RBFOX1: variants seen among roughly 807,000 people sequenced by gnomAD.
RBFOX1 encodes the protein RNA binding fox-1 homolog 1.
RBFOX1 carries 8 observed loss-of-function variants against 57.7 expected under a neutral mutation model. That is an observed-to-expected ratio of 0.14 (90% CI 0.08 to 0.25). RBFOX1 has a LOEUF of 0.25. Among genes scored for constraint, RBFOX1 ranks in the 10% least tolerant of loss-of-function variants. RBFOX1 has a pLI of 1.00. For missense variants in RBFOX1, 611 were observed against 548.5 expected (o/e 1.11, Z -1.14); for synonymous variants, 326 against 222.4 (o/e 1.47, Z -4.15).
At chr16:7,171,930 C>T (rs976755801) in intron 4 of RBFOX1, among the ~76,000 whole-genome samples, 7 of 152,136 alleles carry the variant, frequency 4.6e-5, no homozygotes, top group Non-Finnish European at 8.8e-5. Flanking sequence ...AGAACAATTT[C>T]CAGAGAGGAG....
chr16:6,369,232 C>G (rs750096486), intron 2 of RBFOX1, among the ~76,000 whole-genome samples: 1 of 152,160 alleles, frequency 6.6e-6, no homozygotes, highest in African/African-American at 2.4e-5. Flanking sequence ...TTAAATATCT[C>G]ATTTTAATTT....
chr16:7,573,918 C>G (rs993235352), intron 5 of RBFOX1, among the ~76,000 whole-genome samples: 18 of 152,216 alleles, frequency 1.2e-4, no homozygotes, highest in Admixed American at 8.5e-4. Flanking sequence ...GCTTTAGGAA[C>G]TATAACTATG....
chr16:6,777,418 A>G (rs1408295289), intron 3 of RBFOX1, among the ~76,000 whole-genome samples: 1 of 152,182 alleles, frequency 6.6e-6, no homozygotes, highest in African/African-American at 2.4e-5. Flanking sequence ...GAACAGGGAC[A>G]AAGAAACCAA....
intron 3 of RBFOX1, among the ~76,000 whole-genome samples, chr16:6,860,455 C>T (rs1319881536): frequency 2.0e-5 from 3 of 152,168 alleles, no homozygotes; most frequent in African/African-American, 4.8e-5. Flanking sequence ...GGCGCTCTAC[C>T]GTGCTGCTGA....
At chr16:6,729,478 C>G (rs779713769) in intron 3 of RBFOX1, among the ~76,000 whole-genome samples, 3 of 152,076 alleles carry the variant, frequency 2.0e-5, no homozygotes, top group Non-Finnish European at 4.4e-5. Context: ...TCCCAGCAAT[C>G]CATTAAAATG....
intron 4 of RBFOX1, among the ~76,000 whole-genome samples, chr16:7,069,711 G>T (rs2056925203): frequency 6.6e-6 from 1 of 152,230 alleles, no homozygotes; most frequent in South Asian, 2.1e-4. Flanking sequence ...AGTAAGTGGG[G>T]CAGCATCGAG....
chr16:5,619,997 A>AAG (rs1555484870), intron 3 of RBFOX1, among the ~76,000 whole-genome samples: 9 of 151,606 alleles, frequency 5.9e-5, no homozygotes, highest in African/African-American at 2.2e-4. Flanking sequence ...AAAAAAAAAA[A>AAG]AAAGAAAGAA....
intron 3 of RBFOX1, among the ~76,000 whole-genome samples, chr16:7,046,277 G>A (rs1293174389): frequency 6.8e-6 from 1 of 147,144 alleles, no homozygotes; most frequent in African/African-American, 2.5e-5. Flanking sequence ...TACACATCCA[G>A]TTACTCTATC....
chr16:6,270,229 A>T (rs1458512180), intron 1 of RBFOX1, among the ~76,000 whole-genome samples: 1 of 152,150 alleles, frequency 6.6e-6, no homozygotes, highest in South Asian at 2.1e-4. Flanking sequence ...TTAAGCACTA[A>T]CATACCAATA....
intron 3 of RBFOX1, among the ~76,000 whole-genome samples, chr16:5,807,350 C>T (rs2055263928): frequency 6.6e-6 from 1 of 152,120 alleles, no homozygotes; most frequent in Non-Finnish European, 1.5e-5. Flanking sequence ...AATCTTGTGG[C>T]ATCTTCAGGA....
chr16:7,143,509 G>T (rs941833994), intron 4 of RBFOX1, among the ~76,000 whole-genome samples: 3 of 151,996 alleles, frequency 2.0e-5, no homozygotes, highest in African/African-American at 4.8e-5. Context: ...TCCTACCCCC[G>T]CCCCTGGAGG....
intron 4 of RBFOX1, among the ~76,000 whole-genome samples, chr16:7,384,472 G>C (rs897885869): frequency 5.3e-5 from 8 of 152,182 alleles, no homozygotes; most frequent in African/African-American, 1.9e-4. Flanking sequence ...GCTTATTGCA[G>C]TGGGTTTTCA....
intron 14 of RBFOX1, among the ~76,000 whole-genome samples, chr16:7,700,137 G>A (rs1339183497): frequency 6.6e-6 from 1 of 151,970 alleles, no homozygotes; most frequent in South Asian, 2.1e-4. Context: ...ATAAGACTTT[G>A]GATCATCAAT....
chr16:6,384,589 A>G (rs943981707), intron 2 of RBFOX1, among the ~76,000 whole-genome samples: 1 of 152,234 alleles, frequency 6.6e-6, no homozygotes, highest in Non-Finnish European at 1.5e-5. Flanking sequence ...CTGAGGGTAA[A>G]CAGGGCTTTG....
chr16:6,169,159 G>T (rs75984305), intron 1 of RBFOX1, among the ~76,000 whole-genome samples: 6,798 of 152,200 alleles, frequency 0.045, 501 homozygotes, highest in African/African-American at 0.15. Flanking sequence ...GGGGTCATTG[G>T]AGTAAAGCAA....
In RBFOX1 at chr16:5,669,422, CT is replaced by C. The variant is rs34318850; in HGVS notation, c.318+70479del. 7.4e-3 allele frequency among the ~76,000 whole-genome samples: 879 copies of C among 118,476 alleles called. 9 individuals carry two copies. Among genetic ancestry groups the C allele is most frequent in the African/African-American group, 0.026 (802 of 30,868 alleles). 77.7% of individuals were successfully genotyped at this position (118,476 alleles called of 152,430 possible). A position where few individuals can be genotyped will look rare whatever the true frequency, so the allele number is the denominator to read the frequency against. ...GCCAAAGAGAATGAGAACAAGTTGGCTTTTTTTTTTTTTTTTTTGGAGACAG... is the reference window on the plus strand; with the variant it reads ...GCCAAAGAGAATGAGAACAAGTTGGCTTTTTTTTTTTTTTTTTGGAGACAG... On this transcript the variant is annotated intron_variant, in intron 3 of 19. Transcript: ENST00000641259.
At chr16:7,212,966 A>G (rs562128139) in intron 4 of RBFOX1, among the ~76,000 whole-genome samples, 33 of 152,356 alleles carry the variant, frequency 2.2e-4, no homozygotes, top group African/African-American at 5.5e-4. Flanking sequence ...GAATAATTCT[A>G]TGGAACACTT....
At chr16:6,421,670 C>G (rs574914308) in intron 2 of RBFOX1, among the ~76,000 whole-genome samples, 1 of 152,266 alleles carries the variant, frequency 6.6e-6, no homozygotes, top group South Asian at 2.1e-4. Flanking sequence ...AACATGGGTG[C>G]TTTAGATCAC....
chr16:5,413,135 G>A (rs184967294), intron 1 of RBFOX1, among the ~76,000 whole-genome samples: 7 of 152,218 alleles, frequency 4.6e-5, no homozygotes, highest in African/African-American at 1.7e-4. Flanking sequence ...TGGTCCCTGA[G>A]CCTCAGGAGT....
Sources: allele counts gnomAD v4.1 joint callset (sites outside exome capture counted in the v4.1 genomes callset), GRCh38; gene constraint gnomAD v4.1.1; transcripts MANE v1.5; gene names NCBI Gene and HGNC (gene_info 2026-07-23, HGNC 2026-07-21).